The following MAN2B2 variants were observed in gnomAD, a reference collection of about 807,000 sequenced individuals.
The protein encoded by MAN2B2 is epididymis-specific alpha-mannosidase.
Under a neutral mutation model 117.1 loss-of-function variants are expected in MAN2B2, and 106 were observed. The observed-to-expected ratio is 0.90, with a 90% CI of 0.77 to 1.06. The LOEUF (loss-of-function observed/expected upper bound fraction) is 1.06, where lower values mean the gene tolerates loss of function less well. MAN2B2 is among the 50% of genes least tolerant of loss of function. MAN2B2 has a pLI of 0.00. For synonymous variants in MAN2B2, 544 were observed against 595.1 expected, an observed-to-expected ratio of 0.91 and a Z score of 1.25; for missense variants, 1,326 against 1,381.4, an observed-to-expected ratio of 0.96 and a Z score of 0.64.
At chr4:6,588,013 C>G (rs532456694) in intron 4 of MAN2B2, among the ~76,000 whole-genome samples, 4 of 152,234 alleles carry the variant, frequency 2.6e-5, no homozygotes, top group African/African-American at 9.6e-5. Context: ...CCCACCTCAG[C>G]CTCCCAAAGT....
chr4:6,579,467 C>A (rs1337830363), intron 3 of MAN2B2, among the ~76,000 whole-genome samples: 4 of 147,572 alleles, frequency 2.7e-5, no homozygotes, highest in Non-Finnish European at 4.5e-5. Context: ...CCTTCACCAC[C>A]ACAATGACCA....
In MAN2B2 at chr4:6,605,229, C is replaced by T. The variant is rs145945260; in HGVS notation, c.1714C>T (p.Arg572Cys). Residue 572 changes from arginine (R) to cysteine (C), a missense_variant, in exon 11 of 19, where the codon CGC (arginine) becomes TGC (cysteine). Transcript: ENST00000285599. Reference protein sequence around the residue: ...TLQFGRRLRRRTSHAGRYLVP... With the variant: ...TLQFGRRLRRCTSHAGRYLVP... ...TCAATTTGGCCGCAGGCTGAGGAGACGCACCAGCCATGCGGGCAGGTACTT... is the reference window on the plus strand; with the variant it reads ...TCAATTTGGCCGCAGGCTGAGGAGATGCACCAGCCATGCGGGCAGGTACTT... 89 of 1,614,232 alleles carry T rather than the reference C, an allele frequency of 5.5e-5. No individual in the cohort carries two copies. The African/African-American group carries it at 8.5e-4, about 15-fold the overall frequency.
At chr4:6,616,168 G>A (rs1022150104) in intron 16 of MAN2B2, among the ~76,000 whole-genome samples, 2 of 152,044 alleles carry the variant, frequency 1.3e-5, no homozygotes, top group Non-Finnish European at 2.9e-5. Context: ...AGTCAGCTTT[G>A]AGGCATAGCT....
chr4:6,599,329 C>T (rs1228752504), intron 9 of MAN2B2, among the ~76,000 whole-genome samples: 1 of 152,012 alleles, frequency 6.6e-6, no homozygotes, highest in Non-Finnish European at 1.5e-5. Context: ...GGTCTCCTAA[C>T]TCCTGGGCTC....
Position 6,575,200 on chromosome 4 carries a change from C to G in MAN2B2, c.-11C>G. ...GAAGTGGGCCTGGCACCTTCCCGGC[C>G]TGCCGCAGGGATGGGGCAGCTGTGC... On this transcript the variant is annotated 5_prime_UTR_variant, in exon 1 of 19. Coordinates refer to ENST00000285599, the MANE Select transcript of MAN2B2 (RefSeq NM_015274.3). 1.4e-6 allele frequency: 2 copies of G among 1,422,772 alleles called. No homozygotes were observed. Among genetic ancestry groups the G allele is most frequent in the Non-Finnish European group, 9.5e-7 (1 of 1,050,538 alleles). The allele number at this position is 1,422,772 out of a possible 1,614,324, so 88.1% of individuals were successfully genotyped here.
intron 6 of MAN2B2, among the ~76,000 whole-genome samples, chr4:6,593,728 C>A (rs1318014480): frequency 6.6e-6 from 1 of 152,244 alleles, no homozygotes; most frequent in Non-Finnish European, 1.5e-5. Flanking sequence ...TCCCGGGAAG[C>A]CAGTGCCCGG....
intron 3 of MAN2B2, among the ~76,000 whole-genome samples, chr4:6,581,330 G>T (rs1486300612): frequency 6.6e-6 from 1 of 152,150 alleles, no homozygotes; most frequent in Non-Finnish European, 1.5e-5. Context: ...GTAGCAAGTG[G>T]TACTGTTCAC....
chr4:6,594,029 G>C (rs930218104), intron 6 of MAN2B2, among the ~76,000 whole-genome samples: 1 of 152,138 alleles, frequency 6.6e-6, no homozygotes, highest in African/African-American at 2.4e-5. Context: ...GTGAAGGCAA[G>C]CTTAAGATCA....
intron 16 of MAN2B2, among the ~76,000 whole-genome samples, chr4:6,616,950 G>A (rs550375583): frequency 6.6e-6 from 1 of 152,270 alleles, no homozygotes; most frequent in East Asian, 1.9e-4. Flanking sequence ...CCCGAGACTG[G>A]GTAGTTTATG....
intron 15 of MAN2B2, among the ~76,000 whole-genome samples, chr4:6,613,408 G>A (rs1288170820): frequency 6.6e-6 from 1 of 152,002 alleles, no homozygotes; most frequent in African/African-American, 2.4e-5. Context: ...GTGAGACCCT[G>A]TCTCTACAAA....
chr4:6,576,756 C>G (rs1428012155), intron 2 of MAN2B2, 32 bp downstream of exon 2: 17 of 1,610,082 alleles, frequency 1.1e-5, no homozygotes, highest in Non-Finnish European at 1.4e-5. Context: ...ACAGTTGGCC[C>G]AGTATCCTGG....
chr4:6,600,402 C>T (rs1311276297), intron 9 of MAN2B2, among the ~76,000 whole-genome samples: 1 of 152,190 alleles, frequency 6.6e-6, no homozygotes, highest in Non-Finnish European at 1.5e-5. Context: ...TGTTCCGAGC[C>T]CCTCCGCCTG....
In MAN2B2 at chr4:6,609,138, G is replaced by C; in HGVS notation, c.1846G>C (p.Glu616Gln). The change falls in exon 12 of 19, where the codon GAA becomes CAA. Residue 616 changes from glutamate to glutamine, a missense_variant. Transcript: ENST00000285599. Reference protein sequence around the residue: ...QSNRTVRVTQEFLEYHVNGDV... With the variant: ...QSNRTVRVTQQFLEYHVNGDV... Reference sequence around the variant, plus strand: ...TAACCGAACGGTGCGCGTGACCCAGGAATTCCTGGAGTACCACGTCAACGG... The same window carrying C: ...TAACCGAACGGTGCGCGTGACCCAGCAATTCCTGGAGTACCACGTCAACGG... 1.2e-6 allele frequency: 2 copies of C among 1,614,164 alleles called. No individual in the cohort carries two copies. The highest frequency in any genetic ancestry group is 1.7e-6 in the Non-Finnish European group (2 of 1,180,018).
In MAN2B2 at chr4:6,609,135, C is replaced by T. The variant is rs745775933; in HGVS notation, c.1843C>T (p.Gln615Ter). 12 of 1,614,014 alleles carry T rather than the reference C, an allele frequency of 7.4e-6. No homozygotes were observed. Among genetic ancestry groups the T allele is most frequent in the South Asian group, 6.6e-5 (6 of 91,076 alleles). ...GAGTAACCGAACGGTGCGCGTGACC[C>T]AGGAATTCCTGGAGTACCACGTCAA... ...RQSNRTVRVT[Q>*]EFLEYHVNGD... Residue 615 changes from glutamine (Q) to a stop codon, truncating the protein, a stop_gained, in exon 12 of 19, where the codon CAG (glutamine) becomes TAG (stop). Transcript: ENST00000285599. LOFTEE classifies it high-confidence loss of function.
chr4:6,614,941 C>T (rs570804410), intron 16 of MAN2B2, among the ~76,000 whole-genome samples: 37 of 152,306 alleles, frequency 2.4e-4, no homozygotes, highest in African/African-American at 8.7e-4. Flanking sequence ...GGGGGCTCCC[C>T]GAGGAGGCGA....
intron 3 of MAN2B2, among the ~76,000 whole-genome samples, chr4:6,584,166 G>A (rs989108742): frequency 6.6e-6 from 1 of 152,204 alleles, no homozygotes; most frequent in Non-Finnish European, 1.5e-5. Context: ...CCTAGTGGGT[G>A]GGGGAAGAGC....
intron 15 of MAN2B2, 53 bp from the exon 16 acceptor site, chr4:6,614,162 CAGG>C (rs1560663949): frequency 2.5e-6 from 4 of 1,588,902 alleles, no homozygotes; most frequent in South Asian, 1.1e-5. Flanking sequence ...CTCTGAGTGC[CAGG>C]AGGAGGAGTT....
At chr4:6,605,011 G>T (rs759258357) in intron 10 of MAN2B2, 44 bp from the exon 11 acceptor site, 2 of 1,586,732 alleles carry the variant, frequency 1.3e-6, no homozygotes, top group South Asian at 2.3e-5. Flanking sequence ...TCCAGAAAGT[G>T]TGAGAGCTGA....
At chr4:6,591,289 C>G (rs1409544571) in intron 5 of MAN2B2, among the ~76,000 whole-genome samples, 3 of 152,206 alleles carry the variant, frequency 2.0e-5, no homozygotes, top group African/African-American at 7.2e-5. Flanking sequence ...GGGAGGGGTC[C>G]TCACCCTAAA....
Sources: allele counts gnomAD v4.1 joint callset (sites outside exome capture counted in the v4.1 genomes callset), GRCh38; gene constraint gnomAD v4.1.1; transcripts MANE v1.5; gene names NCBI Gene and HGNC (gene_info 2026-07-23, HGNC 2026-07-21).